The following KPNA1 variants were observed in gnomAD, a reference collection of about 807,000 sequenced individuals.
KPNA1 encodes importin subunit alpha-5.
KPNA1 carries 10 observed loss-of-function variants against 70.5 expected under a neutral mutation model. The observed-to-expected ratio is 0.14, with a 90% CI of 0.09 to 0.24. The LOEUF (loss-of-function observed/expected upper bound fraction) is 0.24, where lower values mean the gene tolerates loss of function less well. Ranked by LOEUF, KPNA1 falls within the 10% of genes least tolerant of loss-of-function variation. The probability of loss-of-function intolerance (pLI) is 1.00; values close to 1 mark genes in which losing one functional copy is unlikely to be tolerated. For synonymous variants in KPNA1, 192 were observed against 221.9 expected, an observed-to-expected ratio of 0.87 and a Z score of 1.20; for missense variants, 397 against 637.9, an observed-to-expected ratio of 0.62 and a Z score of 4.07.
chr3:122,457,001 T>A (rs1387635616), intron 5 of KPNA1, among the ~76,000 whole-genome samples: 1 of 152,226 alleles, frequency 6.6e-6, no homozygotes. Context: ...ACATGTGTGA[T>A]ATGTATGTAT....
intron 2 of KPNA1, among the ~76,000 whole-genome samples, chr3:122,485,579 G>A (rs1398288291): frequency 3.3e-5 from 5 of 151,878 alleles, no homozygotes; most frequent in East Asian, 1.9e-4. Context: ...TGTAAAACAC[G>A]TATCTAGCAA....
At chr3:122,460,129 C>A (rs2076307347) in intron 5 of KPNA1, 1 of 985,158 alleles carries the variant, frequency 1.0e-6, no homozygotes, top group Non-Finnish European at 1.2e-6. Flanking sequence ...GTCTCAGGGC[C>A]CAAGCCTTTG....
intron 2 of KPNA1, among the ~76,000 whole-genome samples, chr3:122,496,207 T>C (rs1423650619): frequency 6.6e-6 from 1 of 151,918 alleles, no homozygotes; most frequent in Non-Finnish European, 1.5e-5. Context: ...AATAGTGTAG[T>C]TATGCTGAGA....
chr3:122,426,837 G>A lies in KPNA1; in HGVS notation c.*148C>T. ...CCGGAGGTTTTCCAGATGTGTGTAA[G>A]AGAGCAGGTGCGCAAGGCAAGCAAA... On this transcript the variant is annotated 3_prime_UTR_variant, in exon 14 of 14. Coordinates refer to ENST00000344337, the MANE Select transcript of KPNA1 (RefSeq NM_002264.4). The A allele has an allele frequency of 1.7e-6, 1 of 605,560 alleles. No homozygotes were observed. The highest frequency in any genetic ancestry group is 2.9e-6 in the Non-Finnish European group (1 of 349,862). 37.5% of individuals were successfully genotyped at this position (605,560 alleles called of 1,614,324 possible).
At chr3:122,442,670 GAT>G (rs2076079859) in intron 9 of KPNA1, 1 of 152,206 alleles carries the variant, frequency 6.6e-6, no homozygotes, top group Non-Finnish European at 1.5e-5. Flanking sequence ...TTTGAAGACA[GAT>G]ATTAAGTCCT....
At chr3:122,509,955 T>TTTTAGG (rs1162371649) in intron 1 of KPNA1, among the ~76,000 whole-genome samples, 20 of 152,250 alleles carry the variant, frequency 1.3e-4, no homozygotes, top group African/African-American at 4.8e-4. Flanking sequence ...GGGTTAAAAA[T>TTTTAGG]ATCCTAAAAG....
At chr3:122,463,074 G>A (rs1016897993) in intron 4 of KPNA1, among the ~76,000 whole-genome samples, 6 of 152,012 alleles carry the variant, frequency 3.9e-5, no homozygotes, top group African/African-American at 7.2e-5. Context: ...AAAAAAGGCC[G>A]GGCGCAGTGG....
chr3:122,457,914 G>C (rs1462455572), intron 5 of KPNA1: 2 of 1,252,846 alleles, frequency 1.6e-6, no homozygotes, highest in Non-Finnish European at 2.1e-6. Context: ...ACTCTGCAGA[G>C]AACAGTGCCT....
chr3:122,434,532 C>A (rs1033388548), intron 11 of KPNA1, among the ~76,000 whole-genome samples: 5 of 152,176 alleles, frequency 3.3e-5, no homozygotes, highest in African/African-American at 4.8e-5. Context: ...ACATCATCTG[C>A]CCGCTATATC....
chr3:122,441,576 G>T (rs1467607070), intron 10 of KPNA1, among the ~76,000 whole-genome samples: 1 of 151,842 alleles, frequency 6.6e-6, no homozygotes, highest in Non-Finnish European at 1.5e-5. Flanking sequence ...GATACTAAAG[G>T]TATTGAGAGT....
chr3:122,479,717 G>A (rs929706209), intron 2 of KPNA1, among the ~76,000 whole-genome samples: 1 of 152,112 alleles, frequency 6.6e-6, no homozygotes, highest in Non-Finnish European at 1.5e-5. Flanking sequence ...CCGAAATCAT[G>A]CCACTGCACT....
rs2076429337 is a variant in KPNA1 at position 122,470,513 on chromosome 3, A to G, written c.130-3084T>C. Among the ~76,000 whole-genome samples, 8 of 152,072 alleles carry G rather than the reference A, an allele frequency of 5.3e-5. No homozygotes were observed. In the South Asian group the frequency reaches 1.7e-3, roughly 32 times the overall value. On this transcript the variant is annotated intron_variant, in intron 2 of 13. Transcript: ENST00000344337. Reference sequence around the variant, plus strand: ...GGAAACAGAGTAAGACTCCGTCTCAAAAATAAATAAACAAATAAATAAATA... The same window carrying G: ...GGAAACAGAGTAAGACTCCGTCTCAGAAATAAATAAACAAATAAATAAATA...
chr3:122,474,062 T>C (rs761975564), intron 2 of KPNA1, among the ~76,000 whole-genome samples: 10 of 151,992 alleles, frequency 6.6e-5, no homozygotes, highest in Non-Finnish European at 1.2e-4. Context: ...ACACCAGCAA[T>C]GAATAAAGGG....
intron 10 of KPNA1, among the ~76,000 whole-genome samples, chr3:122,438,199 C>T (rs1162707720): frequency 6.6e-6 from 1 of 152,096 alleles, no homozygotes. Flanking sequence ...GCACCTTCTC[C>T]TACTCTTTGC....
Position 122,490,300 on chromosome 3 carries a change from T to C in KPNA1, c.129+6137A>G, listed in dbSNP as rs180720549. Among the ~76,000 whole-genome samples the C allele has an allele frequency of 9.2e-5, 14 of 152,356 alleles. No individual in the cohort carries two copies. In the East Asian group the frequency reaches 2.7e-3, roughly 29 times the overall value. Reference sequence around the variant, plus strand: ...CTCTGCCTTAGCGCCTCTTTCTATGTTTACAACTAGAAAGCTGAGATAATC... The same window carrying C: ...CTCTGCCTTAGCGCCTCTTTCTATGCTTACAACTAGAAAGCTGAGATAATC... On this transcript the variant is annotated intron_variant, in intron 2 of 13. Coordinates refer to ENST00000344337, the MANE Select transcript of KPNA1 (RefSeq NM_002264.4).
chr3:122,504,804 G>A (rs2076871917), intron 1 of KPNA1, among the ~76,000 whole-genome samples: 2 of 152,172 alleles, frequency 1.3e-5, no homozygotes, highest in Non-Finnish European at 2.9e-5. Flanking sequence ...GTGAGAGAGA[G>A]AGAGAGATTT....
Position 122,426,867 on chromosome 3 carries a change from C to T in KPNA1, c.*118G>A, listed in dbSNP as rs139115078. ...CAGGTGCGCAAGGCAAGCAAATGAG[C>T]GCAAACAGTATTATGGAAAACATTT... On this transcript the variant is annotated 3_prime_UTR_variant, in exon 14 of 14. Transcript: ENST00000344337. The T allele has an allele frequency of 1.8e-5, 14 of 763,666 alleles. No homozygotes were observed. Among genetic ancestry groups the T allele is most frequent in the South Asian group, 6.0e-5 (3 of 49,672 alleles). The allele number at this position is 763,666 out of a possible 1,614,324, so 47.3% of individuals were successfully genotyped here.
intron 2 of KPNA1, among the ~76,000 whole-genome samples, chr3:122,490,524 A>G (rs1277085247): frequency 6.6e-6 from 1 of 152,246 alleles, no homozygotes; most frequent in Non-Finnish European, 1.5e-5. Context: ...TACTCAAAAT[A>G]CCCTATTTTT....
Position 122,426,982 on chromosome 3 carries a change from G to A in KPNA1, c.*3C>T. On this transcript the variant is annotated 3_prime_UTR_variant, in exon 14 of 14. Transcript: ENST00000344337. ...CACAGGTACGTGAAAGCAGAGTATTGCTTCAAAGCTGGAAACCTTCCATAG... is the reference window on the plus strand; with the variant it reads ...CACAGGTACGTGAAAGCAGAGTATTACTTCAAAGCTGGAAACCTTCCATAG... 6 of 1,613,048 alleles carry A rather than the reference G, an allele frequency of 3.7e-6. No individual in the cohort carries two copies. Among genetic ancestry groups the A allele is most frequent in the Non-Finnish European group, 5.1e-6 (6 of 1,179,110 alleles).
Sources: allele counts gnomAD v4.1 joint callset (sites outside exome capture counted in the v4.1 genomes callset), GRCh38; gene constraint gnomAD v4.1.1; transcripts MANE v1.5; gene names NCBI Gene and HGNC (gene_info 2026-07-23, HGNC 2026-07-21).